SLCO5A1: variants seen among roughly 807,000 people sequenced by gnomAD.
SLCO5A1 encodes the protein organic anion transporter polypeptide-related protein 4.
SLCO5A1 carries 39 observed loss-of-function variants against 65.1 expected under a neutral mutation model. That is an observed-to-expected ratio of 0.60 (90% CI 0.46 to 0.78). The LOEUF (loss-of-function observed/expected upper bound fraction) is 0.78, where lower values mean the gene tolerates loss of function less well. Ranked by LOEUF, SLCO5A1 falls within the 30% of genes least tolerant of loss-of-function variation. The pLI is 0.00. For synonymous variants in SLCO5A1, 438 were observed against 415.7 expected, an observed-to-expected ratio of 1.05 and a Z score of -0.65; for missense variants, 1,029 against 1,069.4, an observed-to-expected ratio of 0.96 and a Z score of 0.53.
chr8:69,753,328 G>A (rs10101039), intron 4 of SLCO5A1, among the ~76,000 whole-genome samples: 12,036 of 152,198 alleles, frequency 0.079, 555 homozygotes, highest in African/African-American at 0.12. Context: ...GGGCATGGGA[G>A]GCCAGGGGGT....
At position 69,831,844 on chromosome 8, in the gene SLCO5A1, C is replaced by T; in HGVS notation, c.830G>A (p.Gly277Asp). ...TCCCAGGGTATAAATAGGTGTGGAG[C>T]CCATTCCAATGAGAATCTGCGCGCA... Reference protein sequence around the residue: ...FICAQILIGMGSTPIYTLGPT... With the variant: ...FICAQILIGMDSTPIYTLGPT... The change falls in exon 2 of 10, where the codon GGC (glycine) becomes GAC (aspartate). Residue 277 changes from glycine to aspartate, a missense_variant. By Grantham distance (94) the Gly-to-Asp change is moderately conservative. This residue lies in a region of SLCO5A1 where 647 missense variants were observed against 647.5 expected (regional missense o/e 1.00). Coordinates refer to ENST00000260126, the MANE Select transcript of SLCO5A1 (RefSeq NM_030958.3). The T allele has an allele frequency of 6.2e-7, 1 of 1,613,770 alleles. No homozygotes were observed. The highest frequency in any genetic ancestry group is 8.5e-7 in the Non-Finnish European group (1 of 1,179,966).
chr8:69,694,475 A>G (rs1304977323), intron 6 of SLCO5A1, among the ~76,000 whole-genome samples: 1 of 152,194 alleles, frequency 6.6e-6, no homozygotes, highest in Non-Finnish European at 1.5e-5. Context: ...GCCACATGCA[A>G]GTCTTAAAAT....
At chr8:69,783,035 A>G (rs1364918574) in intron 2 of SLCO5A1, among the ~76,000 whole-genome samples, 1 of 152,166 alleles carries the variant, frequency 6.6e-6, no homozygotes, top group African/African-American at 2.4e-5. Flanking sequence ...TCTACTTCCA[A>G]GAGTTATTGA....
Position 69,676,610 on chromosome 8 carries a change from A to C in SLCO5A1, c.2088T>G (p.Leu696=). The stretch of plus-strand genomic sequence containing the variant: ...ACACTTGGAAATTCAGGGACGTACC[A>C]AGTGTTCGCAACAAAACAAACTGCA... The part of the protein sequence containing the change: ...LGMQFVLLRT[L]AYIPTPIYFG... Residue 696 remains leucine, a splice_region_variant and synonymous_variant, in exon 9 of 10, where the codon CTT becomes CTG. Transcript: ENST00000260126. 6.2e-7 allele frequency: 1 copy of C among 1,612,676 alleles called. No individual in the cohort carries two copies. The highest frequency in any genetic ancestry group is 8.5e-7 in the Non-Finnish European group (1 of 1,179,320).
chr8:69,736,723 A>C (rs1451286705), intron 5 of SLCO5A1, among the ~76,000 whole-genome samples: 4 of 152,222 alleles, frequency 2.6e-5, no homozygotes, highest in Non-Finnish European at 5.9e-5. Context: ...ACTTTGTTTA[A>C]CTCAGCAAGT....
At position 69,671,541 on chromosome 8, in the gene SLCO5A1, A is replaced by T. The variant is rs1813328338; in HGVS notation, c.*1328T>A. ...AGCCATGTAGAAAGCATTCTCTATG[A>T]TGCTTACTTCAAAGTGATGTGCTGG... On this transcript the variant is annotated 3_prime_UTR_variant, in exon 10 of 10. Coordinates refer to ENST00000260126, the MANE Select transcript of SLCO5A1 (RefSeq NM_030958.3). The T allele has an allele frequency of 6.6e-6, 1 of 152,186 alleles. No individual in the cohort carries two copies. Among genetic ancestry groups the T allele is most frequent in the African/African-American group, 2.4e-5 (1 of 41,436 alleles). The allele number at this position is 152,186 out of a possible 1,614,324, so 9.4% of individuals were successfully genotyped here.
chr8:69,802,238 C>T (rs890878994), intron 2 of SLCO5A1, among the ~76,000 whole-genome samples: 13 of 152,170 alleles, frequency 8.5e-5, no homozygotes, highest in African/African-American at 2.4e-4. Context: ...CACAGTGGCT[C>T]ATACCTGTAA....
intron 5 of SLCO5A1, among the ~76,000 whole-genome samples, chr8:69,724,280 C>T (rs1167806827): frequency 1.3e-5 from 2 of 152,120 alleles, no homozygotes; most frequent in Non-Finnish European, 2.9e-5. Flanking sequence ...AATAATGTAT[C>T]ACTGAATAAT....
At chr8:69,796,621 A>ATT (rs1819510858) in intron 2 of SLCO5A1, among the ~76,000 whole-genome samples, 3 of 146,056 alleles carry the variant, frequency 2.1e-5, no homozygotes, top group Admixed American at 6.9e-5. Flanking sequence ...TGTCTCAAAC[A>ATT]TTTTATATAT....
intron 2 of SLCO5A1, among the ~76,000 whole-genome samples, chr8:69,766,417 C>T (rs1441957290): frequency 1.3e-5 from 2 of 152,196 alleles, no homozygotes; most frequent in Non-Finnish European, 2.9e-5. Context: ...GTTCCCTAGG[C>T]TCCAGTCATA....
At chr8:69,798,815 A>G (rs1819612717) in intron 2 of SLCO5A1, among the ~76,000 whole-genome samples, 1 of 152,250 alleles carries the variant, frequency 6.6e-6, no homozygotes, top group African/African-American at 2.4e-5. Context: ...AGCTGAAAGT[A>G]AAGAAGGATT....
At chr8:69,766,923 G>A (rs145208916) in intron 2 of SLCO5A1, among the ~76,000 whole-genome samples, 5 of 152,264 alleles carry the variant, frequency 3.3e-5, no homozygotes, top group East Asian at 3.9e-4. Context: ...GCCAGTGAAC[G>A]CTCTACTGTC....
chr8:69,776,011 AAAAAAG>A lies in SLCO5A1; in HGVS notation c.908-14142_908-14137del, dbSNP rs1179061479. Among the ~76,000 whole-genome samples, 5 of 152,274 alleles carry A rather than the reference AAAAAAG, an allele frequency of 3.3e-5. No individual in the cohort carries two copies. In the South Asian group the frequency reaches 8.3e-4, roughly 25 times the overall value. On this transcript the variant is annotated intron_variant, in intron 2 of 9. Coordinates refer to ENST00000260126, the MANE Select transcript of SLCO5A1 (RefSeq NM_030958.3). ...CCTGGATGACCAAGACCCTGTCTCA[AAAAAAG>A]AAAAAGAAAAAGAAAAAAAGCTGCA...
intron 4 of SLCO5A1, 97 bp from the exon 5 acceptor site, chr8:69,738,301 T>C: frequency 8.7e-7 from 1 of 1,146,418 alleles, no homozygotes; most frequent in East Asian, 2.8e-5. Context: ...AAATAGCCAT[T>C]CAGCAACATT....
intron 4 of SLCO5A1, among the ~76,000 whole-genome samples, chr8:69,744,922 T>A (rs1379312103): frequency 6.6e-6 from 1 of 152,208 alleles, no homozygotes; most frequent in Non-Finnish European, 1.5e-5. Flanking sequence ...TGCTAAAGAA[T>A]CCTTAATGGC....
At chr8:69,808,292 T>C (rs908224760) in intron 2 of SLCO5A1, among the ~76,000 whole-genome samples, 2 of 152,070 alleles carry the variant, frequency 1.3e-5, no homozygotes, top group African/African-American at 4.8e-5. Context: ...CTAGTATCCA[T>C]TGGTTGTTTT....
rs1819032923 is a variant in SLCO5A1 at position 69,786,093 on chromosome 8, T to C, written c.908-24218A>G. Among the ~76,000 whole-genome samples, 2 of 152,200 alleles carry C rather than the reference T, an allele frequency of 1.3e-5. 1 individual carries two copies. The highest frequency in any genetic ancestry group is 4.1e-4 in the South Asian group (2 of 4,822). ...TGCCTGACCACAGATGATATAGTTA[T>C]TATGTAATATTTAATAGTTCAAAAT... On this transcript the variant is annotated intron_variant, in intron 2 of 9. Coordinates refer to ENST00000260126, the MANE Select transcript of SLCO5A1 (RefSeq NM_030958.3).
intron 2 of SLCO5A1, among the ~76,000 whole-genome samples, chr8:69,789,860 G>A (rs971093079): frequency 6.6e-6 from 1 of 151,960 alleles, no homozygotes; most frequent in Non-Finnish European, 1.5e-5. Flanking sequence ...AGTGACTATA[G>A]TCAATAATAA....
At chr8:69,704,232 T>A (rs1814871220) in intron 6 of SLCO5A1, among the ~76,000 whole-genome samples, 1 of 152,206 alleles carries the variant, frequency 6.6e-6, no homozygotes, top group Non-Finnish European at 1.5e-5. Context: ...ATTTAAACAT[T>A]TGTCAGCAGT....
Sources: allele counts gnomAD v4.1 joint callset (sites outside exome capture counted in the v4.1 genomes callset), GRCh38; gene constraint gnomAD v4.1.1; regional missense constraint gnomAD v4.1.1; transcripts MANE v1.5; gene names NCBI Gene and HGNC (gene_info 2026-07-23, HGNC 2026-07-21).